ARHGAP24: variants seen among roughly 807,000 people sequenced by gnomAD.
ARHGAP24 encodes rho GTPase-activating protein 24.
Under a neutral mutation model 76.4 loss-of-function variants are expected in ARHGAP24, and 50 were observed. That is an observed-to-expected ratio of 0.65 (90% CI 0.52 to 0.83). The LOEUF is 0.83. ARHGAP24 is among the 40% of genes least tolerant of loss of function. The probability of loss-of-function intolerance (pLI) is 0.00; values close to 1 mark genes in which losing one functional copy is unlikely to be tolerated. For missense variants in ARHGAP24, 930 were observed against 914.2 expected (o/e 1.02, Z -0.22); for synonymous variants, 345 against 323.3 (o/e 1.07, Z -0.72).
At chr4:85,568,752 CAG>C (rs1326129938) in intron 1 of ARHGAP24, among the ~76,000 whole-genome samples, 3 of 152,222 alleles carry the variant, frequency 2.0e-5, no homozygotes, top group East Asian at 3.9e-4. Context: ...ATTGTAGAGA[CAG>C]GGGCCTGTTT....
intron 2 of ARHGAP24, among the ~76,000 whole-genome samples, chr4:85,611,526 T>C (rs13123541): frequency 0.51 from 77,401 of 152,050 alleles, 21,432 homozygotes; most frequent in Non-Finnish European, 0.64. Context: ...CTTTCTTTTT[T>C]AAAAAATTTT....
intron 2 of ARHGAP24, among the ~76,000 whole-genome samples, chr4:85,588,749 C>T (rs1285520162): frequency 6.6e-6 from 1 of 152,094 alleles, no homozygotes; most frequent in African/African-American, 2.4e-5. Context: ...TTAAAATAAA[C>T]AAAATTTTTA....
chr4:85,886,020 T>C (rs1733548113), intron 3 of ARHGAP24, among the ~76,000 whole-genome samples: 2 of 152,208 alleles, frequency 1.3e-5, no homozygotes, highest in African/African-American at 4.8e-5. Context: ...ACAACATTGC[T>C]ATTCTAATGC....
chr4:85,509,346 T>TA (rs574035048), intron 1 of ARHGAP24, among the ~76,000 whole-genome samples: 1 of 151,666 alleles, frequency 6.6e-6, no homozygotes, highest in Non-Finnish European at 1.5e-5. Context: ...AAAGTATAAT[T>TA]AAAAAAAATT....
At chr4:85,948,810 T>C (rs2148830335) in intron 5 of ARHGAP24, among the ~76,000 whole-genome samples, 1 of 152,330 alleles carries the variant, frequency 6.6e-6, no homozygotes, top group Admixed American at 6.5e-5. Context: ...CTTTAAGCCA[T>C]GTTTTCTTGT....
chr4:85,837,065 G>T (rs1730331487), intron 3 of ARHGAP24, among the ~76,000 whole-genome samples: 2 of 152,196 alleles, frequency 1.3e-5, no homozygotes. Flanking sequence ...GCCCAGCTGT[G>T]ACATATTTAT....
In ARHGAP24 at chr4:85,769,355, C is replaced by T. The variant is rs541363783; in HGVS notation, c.268+47383C>T. ...TTTCTTAACCATCTGATAAGTTTTA[C>T]AGTTAAATCTGAGGGTTTAAGGATG... On this transcript the variant is annotated intron_variant, in intron 3 of 9. Coordinates refer to ENST00000395184, the MANE Select transcript of ARHGAP24 (RefSeq NM_001025616.3). 3.3e-5 allele frequency among the ~76,000 whole-genome samples: 5 copies of T among 152,244 alleles called. No individual in the cohort carries two copies. In the East Asian group the frequency reaches 9.7e-4, roughly 29 times the overall value.
intron 3 of ARHGAP24, among the ~76,000 whole-genome samples, chr4:85,777,534 A>G (rs1173674581): frequency 3.3e-5 from 5 of 152,194 alleles, no homozygotes; most frequent in African/African-American, 1.2e-4. Context: ...TGATCTGGGC[A>G]GGATGTTTTA....
intron 1 of ARHGAP24, among the ~76,000 whole-genome samples, chr4:85,507,772 C>T (rs912066283): frequency 1.5e-4 from 23 of 152,156 alleles, no homozygotes; most frequent in Non-Finnish European, 3.1e-4. Flanking sequence ...CTTGTAGGGA[C>T]AGGTTCTTTT....
chr4:85,591,709 G>A (rs946789614), intron 2 of ARHGAP24, among the ~76,000 whole-genome samples: 1 of 152,088 alleles, frequency 6.6e-6, no homozygotes, highest in African/African-American at 2.4e-5. Context: ...TAATACTCAC[G>A]TGCACTCTGA....
chr4:85,994,629 T>G lies in ARHGAP24; in HGVS notation c.975T>G (p.His325Gln). 6.2e-7 allele frequency: 1 copy of G among 1,614,182 alleles called. No homozygotes were observed. Among genetic ancestry groups the G allele is most frequent in the Non-Finnish European group, 8.5e-7 (1 of 1,180,040 alleles). ...QQLMSVMISK[H>Q]DCLFPKDAEL... ...TGATGTCAGTGATGATTAGCAAACA[T>G]GATTGCCTCTTTCCCAAAGATGCAG... The change falls in exon 9 of 10, where the codon CAT (histidine) becomes CAG (glutamine). Residue 325 changes from histidine (H) to glutamine (Q), a missense_variant. Physicochemically the swap from His to Gln is conservative, Grantham distance 24 (BLOSUM62 0). Transcript: ENST00000395184.
intron 2 of ARHGAP24, among the ~76,000 whole-genome samples, chr4:85,707,022 C>A (rs1171548700): frequency 6.6e-6 from 1 of 152,122 alleles, no homozygotes; most frequent in African/African-American, 2.4e-5. Flanking sequence ...TAACGTTATC[C>A]TCCTGCCTCA....
At chr4:85,482,390 G>A (rs957249278) in intron 1 of ARHGAP24, among the ~76,000 whole-genome samples, 5 of 152,160 alleles carry the variant, frequency 3.3e-5, no homozygotes, top group African/African-American at 1.2e-4. Flanking sequence ...TAACTTTTCA[G>A]TACCTATAAG....
At chr4:85,819,792 C>A (rs1026235878) in intron 3 of ARHGAP24, among the ~76,000 whole-genome samples, 1 of 151,722 alleles carries the variant, frequency 6.6e-6, no homozygotes, top group Non-Finnish European at 1.5e-5. Context: ...TGGTGGTACG[C>A]ACCTGTAATC....
At chr4:85,672,463 T>C (rs1722844692) in intron 2 of ARHGAP24, among the ~76,000 whole-genome samples, 1 of 151,432 alleles carries the variant, frequency 6.6e-6, no homozygotes, top group Non-Finnish European at 1.5e-5. Context: ...ATGATTATAT[T>C]TCAGTATCCT....
intron 2 of ARHGAP24, among the ~76,000 whole-genome samples, chr4:85,713,266 AC>A (rs1352827410): frequency 1.3e-5 from 2 of 152,158 alleles, no homozygotes; most frequent in Non-Finnish European, 2.9e-5. Context: ...TGATTTCACT[AC>A]TGTACTCCAG....
At chr4:85,553,753 T>G (rs762552312) in intron 1 of ARHGAP24, among the ~76,000 whole-genome samples, 11 of 152,232 alleles carry the variant, frequency 7.2e-5, no homozygotes, top group Non-Finnish European at 2.9e-5. Context: ...CATTGGGTCT[T>G]GCTTCTTTAT....
chr4:85,974,985 C>G (rs373498458), intron 7 of ARHGAP24, 24 bp downstream of exon 7: 1 of 1,594,808 alleles, frequency 6.3e-7, no homozygotes, highest in African/African-American at 1.3e-5. Flanking sequence ...TAAGGACAAA[C>G]GTAAACAAGA....
intron 2 of ARHGAP24, among the ~76,000 whole-genome samples, chr4:85,721,338 C>T (rs1429001647): frequency 1.3e-5 from 2 of 149,548 alleles, no homozygotes; most frequent in Non-Finnish European, 3.0e-5. Context: ...GAGGTTGCAG[C>T]GAGCCAAGAT....
Sources: allele counts gnomAD v4.1 joint callset (sites outside exome capture counted in the v4.1 genomes callset), GRCh38; gene constraint gnomAD v4.1.1; transcripts MANE v1.5; gene names NCBI Gene and HGNC (gene_info 2026-07-23, HGNC 2026-07-21).